EEF1AKMT1: variants seen among roughly 807,000 people sequenced by gnomAD.
EEF1AKMT1 encodes N-6 adenine-specific DNA methyltransferase 2 (putative).
In EEF1AKMT1, 18 loss-of-function variants were observed where a neutral mutation model predicts 21.0. The ratio of observed to expected loss-of-function variants is 0.86; its 90% CI spans 0.59 to 1.27. The LOEUF (loss-of-function observed/expected upper bound fraction) is 1.27, where lower values mean the gene tolerates loss of function less well. EEF1AKMT1 is among the 50% of genes most tolerant of loss of function. The pLI, the probability that EEF1AKMT1 is intolerant of heterozygous loss-of-function variation, is 0.00. For missense variants in EEF1AKMT1, 246 were observed against 258.6 expected (o/e 0.95, Z 0.33); for synonymous variants, 109 against 94.8 (o/e 1.15, Z -0.87).
chr13:20,740,527 G>A (rs532973483), intron 2 of EEF1AKMT1, among the ~76,000 whole-genome samples: 12 of 152,330 alleles, frequency 7.9e-5, no homozygotes, highest in African/African-American at 1.4e-4. Flanking sequence ...CTGACTTGCC[G>A]GGTGTGGTGG....
intron 4 of EEF1AKMT1, among the ~76,000 whole-genome samples, chr13:20,729,651 T>C (rs1268625382): frequency 6.6e-6 from 1 of 152,150 alleles, no homozygotes; most frequent in East Asian, 1.9e-4. Flanking sequence ...TTTTGCCATC[T>C]GCTCCCAATT....
At position 20,748,727 on chromosome 13, in the gene EEF1AKMT1, T is replaced by TTGTTGTTG. The variant is rs1413413798; in HGVS notation, c.144+8727_144+8728insCAACAACA. On this transcript the variant is annotated intron_variant, in intron 2 of 4. Coordinates refer to ENST00000382758, the MANE Select transcript of EEF1AKMT1 (RefSeq NM_001318939.2). ...CTAATGTATAGTTGTTTTTTTTTGG[T>TTGTTGTTG]TTTTTTTTTTTTTTTTTTTTGAGAC... Among the ~76,000 whole-genome samples, 43 of 10,824 alleles carry TTGTTGTTG rather than the reference T, an allele frequency of 4.0e-3. 1 individual carries two copies. Among genetic ancestry groups the TTGTTGTTG allele is most frequent in the Non-Finnish European group, 0.011 (33 of 3,112 alleles). 7.1% of individuals were successfully genotyped at this position (10,824 alleles called of 152,430 possible).
chr13:20,739,184 A>G (rs2872725), intron 2 of EEF1AKMT1, among the ~76,000 whole-genome samples: 68,123 of 151,948 alleles, frequency 0.45, 16,992 homozygotes, highest in East Asian at 0.76. Flanking sequence ...CTTTGCTCCC[A>G]GTGGGTTGGT....
At chr13:20,771,021 A>G (rs1409013884) in intron 1 of EEF1AKMT1, among the ~76,000 whole-genome samples, 1 of 152,040 alleles carries the variant, frequency 6.6e-6, no homozygotes, top group Non-Finnish European at 1.5e-5. Flanking sequence ...CTGGGACTAC[A>G]GATGCACACT....
At chr13:20,738,646 G>C (rs1175510116) in intron 2 of EEF1AKMT1, among the ~76,000 whole-genome samples, 1 of 152,276 alleles carries the variant, frequency 6.6e-6, no homozygotes, top group East Asian at 1.9e-4. Flanking sequence ...AATATTATTT[G>C]GCCATAAAAA....
chr13:20,763,438 T>C (rs2059011267), intron 1 of EEF1AKMT1, among the ~76,000 whole-genome samples: 1 of 152,002 alleles, frequency 6.6e-6, no homozygotes, highest in South Asian at 2.1e-4. Context: ...ATCCCTAGCA[T>C]TTAAGGCCCG....
In EEF1AKMT1 at chr13:20,764,677, A is replaced by T. The variant is rs140447050; in HGVS notation, c.-19-7060T>A. 9.0e-4 allele frequency among the ~76,000 whole-genome samples: 137 copies of T among 152,188 alleles called. 1 individual carries two copies. The East Asian group carries it at 0.023, about 26-fold the overall frequency. ...TTTTATTTCATGCTTCATGTAATTTAAATTGTTCTCGTTTGGTGCGTACAT... is the reference window on the plus strand; with the variant it reads ...TTTTATTTCATGCTTCATGTAATTTTAATTGTTCTCGTTTGGTGCGTACAT... On this transcript the variant is annotated intron_variant, in intron 1 of 4. Transcript: ENST00000382758.
chr13:20,738,386 G>T (rs185655308), intron 2 of EEF1AKMT1, among the ~76,000 whole-genome samples: 2 of 152,170 alleles, frequency 1.3e-5, no homozygotes, highest in Admixed American at 6.5e-5. Flanking sequence ...AATTTCTAGT[G>T]ATCTTTATCT....
At chr13:20,752,903 T>A (rs2141428279) in intron 2 of EEF1AKMT1, among the ~76,000 whole-genome samples, 1 of 152,246 alleles carries the variant, frequency 6.6e-6, no homozygotes, top group Admixed American at 6.5e-5. Flanking sequence ...AACTTTTCAT[T>A]GATCCATTGA....
In EEF1AKMT1 at chr13:20,731,131, C is replaced by T. The variant is rs148897784; in HGVS notation, c.508+710G>A. On this transcript the variant is annotated intron_variant, in intron 4 of 4. Transcript: ENST00000382758. ...AAGGAAGAAACTGCAGACACACCAC[C>T]TCCATCTCCCAAATGGCGGGGAGGC... Among the ~76,000 whole-genome samples, 146 of 152,266 alleles carry T rather than the reference C, an allele frequency of 9.6e-4. 1 individual carries two copies. Among genetic ancestry groups the T allele is most frequent in the African/African-American group, 3.4e-3 (141 of 41,558 alleles).
At chr13:20,772,219 A>G (rs772399977) in intron 1 of EEF1AKMT1, among the ~76,000 whole-genome samples, 10 of 152,148 alleles carry the variant, frequency 6.6e-5, no homozygotes, top group East Asian at 1.9e-4. Flanking sequence ...GCCCTGCCCC[A>G]CAAGTGGCAG....
intron 2 of EEF1AKMT1, among the ~76,000 whole-genome samples, chr13:20,752,153 G>A (rs1053183272): frequency 5.9e-5 from 9 of 151,898 alleles, no homozygotes; most frequent in Non-Finnish European, 1.0e-4. Context: ...TTTGTTGCCC[G>A]ATTGTCCTAG....
chr13:20,750,060 C>T (rs2058932343), intron 2 of EEF1AKMT1, among the ~76,000 whole-genome samples: 1 of 152,088 alleles, frequency 6.6e-6, no homozygotes, highest in South Asian at 2.1e-4. Flanking sequence ...GATTTATCTG[C>T]TAGTTTTCCA....
rs940029821 is a variant in EEF1AKMT1, at chr13:20,742,518, G to C, written c.145-4713C>G. On this transcript the variant is annotated intron_variant, in intron 2 of 4. Transcript: ENST00000382758. ...ATATGACCATTCTGTAATCACATCT[G>C]AGTACAGATAAAACAAGAACACTGT... 8.6e-4 allele frequency among the ~76,000 whole-genome samples: 131 copies of C among 152,170 alleles called. 1 individual carries two copies. The highest frequency in any genetic ancestry group is 3.1e-3 in the African/African-American group (128 of 41,446).
In EEF1AKMT1 at chr13:20,737,741, G is replaced by A; in HGVS notation, c.209C>T (p.Ala70Val). Residue 70 changes from alanine to valine, a missense_variant, in exon 3 of 5, where the codon GCT becomes GTT. Transcript: ENST00000382758. ...ALQLAQEAIA[A>V]VGEGGRIACV... ...ATCTCACCTGCCACCTTCTCCTACA[G>A]CTGCAATTGCCTCCTGTGCCAGCTG... 3 of 1,612,792 alleles carry A rather than the reference G, an allele frequency of 1.9e-6. No individual in the cohort carries two copies. Among genetic ancestry groups the A allele is most frequent in the Non-Finnish European group, 2.5e-6 (3 of 1,179,426 alleles).
At chr13:20,740,020 C>T (rs1216170071) in intron 2 of EEF1AKMT1, among the ~76,000 whole-genome samples, 1 of 152,242 alleles carries the variant, frequency 6.6e-6, no homozygotes, top group Non-Finnish European at 1.5e-5. Flanking sequence ...CGCGGGAGCC[C>T]ATGGTGGGGG....
At chr13:20,766,632 A>C (rs138316610) in intron 1 of EEF1AKMT1, among the ~76,000 whole-genome samples, 3,160 of 151,978 alleles carry the variant, frequency 0.021, 116 homozygotes, top group African/African-American at 0.073. Context: ...GACTAGCCTG[A>C]CCAATATGGT....
At chr13:20,772,462 CT>C (rs1257370593) in intron 1 of EEF1AKMT1, among the ~76,000 whole-genome samples, 3 of 152,140 alleles carry the variant, frequency 2.0e-5, no homozygotes, top group Non-Finnish European at 1.5e-5. Flanking sequence ...GTAGAGGCTG[CT>C]GAACTTAAAA....
intron 2 of EEF1AKMT1, among the ~76,000 whole-genome samples, chr13:20,742,819 C>T (rs753674787): frequency 1.6e-4 from 25 of 152,198 alleles, no homozygotes; most frequent in Non-Finnish European, 2.8e-4. Flanking sequence ...TGTTTGCCTA[C>T]AGGTGTGTTT....
Sources: gnomAD v4.1 joint callset for allele counts (sites outside exome capture counted in the v4.1 genomes callset) on GRCh38, gnomAD v4.1.1 for gene constraint, MANE v1.5 for transcripts, NCBI Gene and HGNC (gene_info 2026-07-23, HGNC 2026-07-21) for gene names.